CDH23: variants seen among roughly 807,000 people sequenced by gnomAD.
CDH23 encodes the protein cadherin related 23.
In CDH23, 189 loss-of-function variants were observed where a neutral mutation model predicts 317.1. The ratio of observed to expected loss-of-function variants is 0.60; its 90% CI spans 0.53 to 0.67. CDH23 has a LOEUF of 0.67. Ranked by LOEUF, CDH23 falls within the 30% of genes least tolerant of loss-of-function variation. The pLI is 0.00. For missense variants in CDH23, 4,401 were observed against 4,592.4 expected, an observed-to-expected ratio of 0.96 and a Z score of 1.20; for synonymous variants, 1,839 against 1,876.8, an observed-to-expected ratio of 0.98 and a Z score of 0.52.
intron 11 of CDH23, among the ~76,000 whole-genome samples, chr10:71,630,354 A>G (rs1364260062): frequency 1.4e-5 from 2 of 148,118 alleles, no homozygotes; most frequent in African/African-American, 4.9e-5. Flanking sequence ...TGTGTCTGCC[A>G]GGGGTGGGGG....
chr10:71,799,490 A>G lies in CDH23; in HGVS notation c.7225-2A>G, dbSNP rs2132968572. On this transcript the variant is annotated splice_acceptor_variant, in intron 51 of 69. Coordinates refer to ENST00000224721, the MANE Select transcript of CDH23 (RefSeq NM_022124.6). LOFTEE classifies it high-confidence loss of function. ...TCTCTCTCCCTGCCCCCTGGGCTCC[A>G]GGAGGCTGTCTTTGAGGATGTGCCT... 2 of 1,614,028 alleles carry G rather than the reference A, an allele frequency of 1.2e-6. No individual in the cohort carries two copies. The highest frequency in any genetic ancestry group is 1.3e-5 in the African/African-American group (1 of 75,060).
chr10:71,812,421 G>T, intron 66 of CDH23, 59 bp from the exon 67 acceptor site: 1 of 1,610,354 alleles, frequency 6.2e-7, no homozygotes, highest in South Asian at 1.1e-5. Context: ...GAGGCTGGAA[G>T]GGCACCTGTC....
chr10:71,732,609 G>A lies in CDH23; in HGVS notation c.4104+234G>A. On this transcript the variant is annotated intron_variant, in intron 32 of 69. Transcript: ENST00000224721. ...GTTTGCACCACTGCACTCCAGCCCG[G>A]GCAACAGAGTGAGACCTTGTCTCTT... is the stretch of plus-strand genomic sequence containing the variant. The A allele has an allele frequency of 4.3e-6, 6 of 1,394,184 alleles. No individual in the cohort carries two copies. The South Asian group carries it at 9.6e-5, about 22-fold the overall frequency. 86.4% of individuals were successfully genotyped at this position (1,394,184 alleles called of 1,614,324 possible).
intron 22 of CDH23, among the ~76,000 whole-genome samples, chr10:71,700,404 C>T (rs1406848448): frequency 6.6e-6 from 1 of 152,158 alleles, no homozygotes; most frequent in African/African-American, 2.4e-5. Context: ...AAAAAATTCT[C>T]CCTTTTCAAA....
chr10:71,644,192 G>A (rs1341325741), intron 12 of CDH23, among the ~76,000 whole-genome samples: 1 of 152,240 alleles, frequency 6.6e-6, no homozygotes, highest in Non-Finnish European at 1.5e-5. Context: ...CACATCCCCT[G>A]GGGAGCCACT....
rs759728994 is a variant in CDH23 at position 71,706,980 on chromosome 10, C to T, written c.3037C>T (p.Arg1013Trp). ...SVSEDVPREF[R>W]VVWLNCTDND... ...GTCCGAGGACGTGCCACGCGAGTTCCGGGTGGTCTGGCTGAACTGCACGGA... is the reference window on the plus strand; with the variant it reads ...GTCCGAGGACGTGCCACGCGAGTTCTGGGTGGTCTGGCTGAACTGCACGGA... Residue 1013 changes from arginine to tryptophan, a missense_variant, in exon 26 of 70, where the codon CGG becomes TGG. Transcript: ENST00000224721. The T allele has an allele frequency of 4.4e-6, 7 of 1,607,630 alleles. No homozygotes were observed. The highest frequency in any genetic ancestry group is 1.1e-5 in the South Asian group (1 of 89,614).
chr10:71,449,322 C>T (rs371677935), intron 3 of CDH23, among the ~76,000 whole-genome samples: 33 of 152,252 alleles, frequency 2.2e-4, no homozygotes, highest in Admixed American at 9.8e-4. Context: ...ACTTCCAGCT[C>T]GAGGCCTCAT....
chr10:71,689,735 C>G (rs576435257), intron 19 of CDH23, among the ~76,000 whole-genome samples: 65 of 152,336 alleles, frequency 4.3e-4, no homozygotes, highest in African/African-American at 1.4e-3. Flanking sequence ...AGACCCGGTC[C>G]CAGGGGAAGA....
rs1841306303 is a variant in CDH23 at position 71,793,079 on chromosome 10, G to A, written c.6254-103G>A. ...TATAAAAGAAAATGCTGTCAAGGCT[G>A]TCATGAGAAGGGGACTTGAGAAGAT... On this transcript the variant is annotated intron_variant, in intron 47 of 69. Transcript: ENST00000224721. 4 of 827,080 alleles carry A rather than the reference G, an allele frequency of 4.8e-6. No individual in the cohort carries two copies. In the East Asian group the frequency reaches 1.1e-4, roughly 22 times the overall value. 51.2% of individuals were successfully genotyped at this position (827,080 alleles called of 1,614,324 possible).
At chr10:71,735,707 T>C (rs900106240) in intron 34 of CDH23, among the ~76,000 whole-genome samples, 2 of 152,244 alleles carry the variant, frequency 1.3e-5, no homozygotes, top group African/African-American at 4.8e-5. Flanking sequence ...CTTGGGGTTC[T>C]TGGCCCCAAG....
intron 69 of CDH23, among the ~76,000 whole-genome samples, chr10:71,814,058 G>A (rs867693957): frequency 1.6e-3 from 245 of 152,304 alleles, no homozygotes; most frequent in African/African-American, 5.2e-3. Flanking sequence ...TAAGCTAGTC[G>A]AATAGCCTCA....
intron 8 of CDH23, among the ~76,000 whole-genome samples, chr10:71,571,665 A>G (rs1423176592): frequency 2.6e-5 from 4 of 152,206 alleles, no homozygotes; most frequent in Non-Finnish European, 5.9e-5. Flanking sequence ...CTTGAATGCA[A>G]CACCGGCTGT....
At chr10:71,606,385 A>G (rs1011657448) in intron 9 of CDH23, among the ~76,000 whole-genome samples, 5 of 152,202 alleles carry the variant, frequency 3.3e-5, no homozygotes, top group African/African-American at 9.7e-5. Flanking sequence ...TACAGCCCCA[A>G]CTGGAATTAC....
At position 71,603,928 on chromosome 10, in the gene CDH23, G is replaced by A. The variant is rs185248497; in HGVS notation, c.833-11576G>A. Among the ~76,000 whole-genome samples, 396 of 152,326 alleles carry A rather than the reference G, an allele frequency of 2.6e-3. 1 individual carries two copies. The highest frequency in any genetic ancestry group is 4.1e-3 in the Non-Finnish European group (281 of 68,034). ...GTGCATGTGAACAAACATGTGAAGC[G>A]CTTGGTCAACAGGCAGAAGCACGCA... On this transcript the variant is annotated intron_variant, in intron 9 of 69. Transcript: ENST00000224721.
rs16928879 is a variant in CDH23 at position 71,453,303 on chromosome 10, A to G, written c.145+6908A>G. 8.8e-3 allele frequency among the ~76,000 whole-genome samples: 1,345 copies of G among 152,368 alleles called. 65 individuals are homozygous for G. In the East Asian group the frequency reaches 0.11, roughly 13 times the overall value. On this transcript the variant is annotated intron_variant, in intron 3 of 69. Coordinates refer to ENST00000224721, the MANE Select transcript of CDH23 (RefSeq NM_022124.6). The stretch of plus-strand genomic sequence containing the variant: ...TTCTCTCCAAACTCCATCAATGCCC[A>G]GCTGTTTCTTCTGGACCCAGGGAGA...
At chr10:71,461,194 G>C (rs1216949165) in intron 3 of CDH23, among the ~76,000 whole-genome samples, 1 of 152,238 alleles carries the variant, frequency 6.6e-6, no homozygotes, top group African/African-American at 2.4e-5. Context: ...ACAGGGAAGA[G>C]TCCAAACCAC....
intron 3 of CDH23, among the ~76,000 whole-genome samples, chr10:71,472,471 G>A (rs897372727): frequency 6.6e-6 from 1 of 152,238 alleles, no homozygotes; most frequent in Non-Finnish European, 1.5e-5. Context: ...AGCTCTAACA[G>A]TGTCTCCTTC....
At chr10:71,801,150 C>CTCTCT (rs765969201) in intron 53 of CDH23, among the ~76,000 whole-genome samples, 7 of 73,958 alleles carry the variant, frequency 9.5e-5, no homozygotes, top group Non-Finnish European at 1.4e-4. Flanking sequence ...CTCTCTCTCT[C>CTCTCT]TTTTTTTTTT....
chr10:71,723,552 TG>T (rs1564758360), intron 28 of CDH23, among the ~76,000 whole-genome samples: 1 of 152,330 alleles, frequency 6.6e-6, no homozygotes, highest in East Asian at 1.9e-4. Flanking sequence ...GGAGGGCTCC[TG>T]GGCTTCCACG....
Sources: gnomAD v4.1 joint callset for allele counts (sites outside exome capture counted in the v4.1 genomes callset) on GRCh38, gnomAD v4.1.1 for gene constraint, MANE v1.5 for transcripts, NCBI Gene and HGNC (gene_info 2026-07-23, HGNC 2026-07-21) for gene names.